The following TADA2B variants were observed in gnomAD, a reference collection of about 807,000 sequenced individuals.
TADA2B encodes transcriptional adaptor 2B, also known as transcriptional adapter 2-beta.
Under a neutral mutation model 34.5 loss-of-function variants are expected in TADA2B, and 13 were observed. That is an observed-to-expected ratio of 0.38 (90% CI 0.25 to 0.60). TADA2B has a LOEUF of 0.60. Ranked by LOEUF, TADA2B falls within the 20% of genes least tolerant of loss-of-function variation. TADA2B has a pLI of 0.65. For missense variants in TADA2B, 442 were observed against 575.0 expected, an observed-to-expected ratio of 0.77 and a Z score of 2.37; for synonymous variants, 240 against 243.4, an observed-to-expected ratio of 0.99 and a Z score of 0.13.
Position 7,054,902 on chromosome 4 carries a change from A to G in TADA2B, c.1111A>G (p.Thr371Ala). 1 of 1,613,950 alleles carries G rather than the reference A, an allele frequency of 6.2e-7. No individual in the cohort carries two copies. The highest frequency in any genetic ancestry group is 8.5e-7 in the Non-Finnish European group (1 of 1,179,898). The change falls in exon 2 of 2, where the codon ACT becomes GCT. Residue 371 changes from threonine (T) to alanine (A), a missense_variant. By Grantham distance (58) the Thr-to-Ala change is moderately conservative (BLOSUM62 0). Transcript: ENST00000310074. The part of the protein sequence containing the change: ...SLNLSPARYV[T>A]VKTIIIKDHL... ...AAACTTGAGTCCAGCCCGCTACGTG[A>G]CTGTGAAGACTATTATAATTAAAGA... is the stretch of plus-strand genomic sequence containing the variant.
intron 1 of TADA2B, among the ~76,000 whole-genome samples, chr4:7,051,698 C>T (rs925879239): frequency 2.2e-4 from 33 of 152,032 alleles, no homozygotes; most frequent in African/African-American, 6.5e-4. Flanking sequence ...CCCGGGTTCA[C>T]GCCATTCTCC....
At chr4:7,046,312 A>C (rs1723628638) in intron 1 of TADA2B, 1 of 152,210 alleles carries the variant, frequency 6.6e-6, no homozygotes, top group Non-Finnish European at 1.5e-5. Flanking sequence ...GCATGTATCC[A>C]GCTATGTGCA....
At position 7,043,472 on chromosome 4, in the gene TADA2B, G is replaced by A. The variant is rs1235689827; in HGVS notation, c.-108G>A. On this transcript the variant is annotated 5_prime_UTR_variant, in exon 1 of 2. Coordinates refer to ENST00000310074, the MANE Select transcript of TADA2B (RefSeq NM_152293.3). ...GGCGGCAGCCGCGGCGGCGGGCGGCGGTTGCTCGTGCGCGGCGGCGGCGGC... is the reference window on the plus strand; with the variant it reads ...GGCGGCAGCCGCGGCGGCGGGCGGCAGTTGCTCGTGCGCGGCGGCGGCGGC... 3.4e-6 allele frequency: 2 copies of A among 584,872 alleles called. No individual in the cohort carries two copies. Among genetic ancestry groups the A allele is most frequent in the Non-Finnish European group, 4.3e-6 (2 of 467,314 alleles). The allele number at this position is 584,872 out of a possible 1,614,324, so 36.2% of individuals were successfully genotyped here.
intron 1 of TADA2B, among the ~76,000 whole-genome samples, chr4:7,050,630 G>A (rs968848509): frequency 6.6e-6 from 1 of 152,166 alleles, no homozygotes; most frequent in East Asian, 1.9e-4. Flanking sequence ...GGCATCGCCC[G>A]GGACAGGAGA....
chr4:7,043,921 C>T (rs1723550617), intron 1 of TADA2B, 72 bp downstream of exon 1: 4 of 1,406,890 alleles, frequency 2.8e-6, no homozygotes, highest in African/African-American at 1.5e-5. Flanking sequence ...TAATCGGGCG[C>T]GCAGGCAGCG....
chr4:7,053,641 T>C (rs1401120589), intron 1 of TADA2B: 1 of 164,818 alleles, frequency 6.1e-6, no homozygotes, highest in Non-Finnish European at 1.3e-5. Flanking sequence ...CAGGCATTCC[T>C]TGGCCTGCCC....
At position 7,055,091 on chromosome 4, in the gene TADA2B, CAG is replaced by C; in HGVS notation, c.*38_*39del. ...TTTGAAAGCCAGGGTGATGCTCAGA[CAG>C]TGTGCCAGCCAAAATGACTTGGGGG... On this transcript the variant is annotated 3_prime_UTR_variant, in exon 2 of 2. Transcript: ENST00000310074. 1.3e-6 allele frequency: 2 copies of C among 1,550,900 alleles called. No homozygotes were observed. The highest frequency in any genetic ancestry group is 1.7e-6 in the Non-Finnish European group (2 of 1,150,270).
intron 1 of TADA2B, chr4:7,053,327 C>T (rs1723809046): frequency 6.6e-6 from 1 of 152,320 alleles, no homozygotes; most frequent in African/African-American, 2.4e-5. Context: ...TGCTTTCAGC[C>T]AGTGGCAGAC....
At chr4:7,053,590 C>T (rs1194490748) in intron 1 of TADA2B, 3 of 157,796 alleles carry the variant, frequency 1.9e-5, no homozygotes, top group East Asian at 3.8e-4. Context: ...TGGTCTCACA[C>T]CCTGGCACAA....
chr4:7,047,322 A>T (rs1001540020), intron 1 of TADA2B, among the ~76,000 whole-genome samples: 1 of 152,156 alleles, frequency 6.6e-6, no homozygotes, highest in Non-Finnish European at 1.5e-5. Context: ...TTGGCGGGGA[A>T]GTGGGGTTCA....
intron 1 of TADA2B, among the ~76,000 whole-genome samples, chr4:7,048,440 C>T (rs1723690594): frequency 6.6e-6 from 1 of 152,168 alleles, no homozygotes; most frequent in African/African-American, 2.4e-5. Flanking sequence ...GGCTTAGAAT[C>T]TGCATTTCTA....
intron 1 of TADA2B, among the ~76,000 whole-genome samples, chr4:7,050,512 T>A (rs2108784975): frequency 6.6e-6 from 1 of 152,312 alleles, no homozygotes; most frequent in African/African-American, 2.4e-5. Flanking sequence ...GAAGCCCAGC[T>A]TGTGGCCGGG....
At chr4:7,053,736 A>C in intron 1 of TADA2B, 4 of 266,402 alleles carry the variant, frequency 1.5e-5, no homozygotes, top group African/African-American at 2.2e-5. Context: ...CAGGTGGGGA[A>C]TGAGAACAAA....
chr4:7,043,697 G>A lies in TADA2B; in HGVS notation c.118G>A (p.Ala40Thr). Residue 40 changes from alanine (A) to threonine (T), a missense_variant, in exon 1 of 2, where the codon GCC becomes ACC. Physicochemically the swap from Ala to Thr is moderately conservative, Grantham distance 58 (BLOSUM62 0). Transcript: ENST00000310074. ...GTGCCCCGAGTGCTTCTCGGCCGGC[G>A]CCGAGATCGGCCACCACCGCCGCTA... Reference protein sequence around the residue: ...ELCPECFSAGAEIGHHRRYHG... With the variant: ...ELCPECFSAGTEIGHHRRYHG... The A allele has an allele frequency of 6.3e-7, 1 of 1,585,670 alleles. No homozygotes were observed. Among genetic ancestry groups the A allele is most frequent in the Admixed American group, 1.7e-5 (1 of 57,600 alleles).
At chr4:7,052,534 TG>T (rs1237741981) in intron 1 of TADA2B, among the ~76,000 whole-genome samples, 1 of 152,230 alleles carries the variant, frequency 6.6e-6, no homozygotes, top group Non-Finnish European at 1.5e-5. Context: ...GGGCCCACTC[TG>T]GCCCTGAAGG....
At chr4:7,051,384 C>T (rs1339665431) in intron 1 of TADA2B, among the ~76,000 whole-genome samples, 4 of 152,160 alleles carry the variant, frequency 2.6e-5, no homozygotes, top group Admixed American at 1.3e-4. Flanking sequence ...GCAGGGTGGG[C>T]GCTGCCAGGC....
Position 7,057,357 on chromosome 4 carries a change from A to G in TADA2B, c.*2303A>G, listed in dbSNP as rs1392180222. The G allele has an allele frequency of 4.6e-5, 7 of 152,252 alleles. No individual in the cohort carries two copies. The highest frequency in any genetic ancestry group is 8.8e-5 in the Non-Finnish European group (6 of 68,042). The allele number at this position is 152,252 out of a possible 1,614,324, so 9.4% of individuals were successfully genotyped here. A position where few individuals can be genotyped will look rare whatever the true frequency, so the allele number is the denominator to read the frequency against. On this transcript the variant is annotated 3_prime_UTR_variant, in exon 2 of 2. Coordinates refer to ENST00000310074, the MANE Select transcript of TADA2B (RefSeq NM_152293.3). Reference sequence around the variant, plus strand: ...AACCCTTTGTCACAAAGGAATGGTAATGTGATTGGCTGCCTGTTAGCCCAT... The same window carrying G: ...AACCCTTTGTCACAAAGGAATGGTAGTGTGATTGGCTGCCTGTTAGCCCAT...
chr4:7,057,529 C>T lies in TADA2B; in HGVS notation c.*2475C>T, dbSNP rs1723919701. The T allele has an allele frequency of 6.6e-6, 1 of 152,258 alleles. No homozygotes were observed. Among genetic ancestry groups the T allele is most frequent in the Non-Finnish European group, 1.5e-5 (1 of 68,068 alleles). 9.4% of individuals were successfully genotyped at this position (152,258 alleles called of 1,614,324 possible). ...CTAGTCCGGGCGCAGTGGCTCACGC[C>T]TGTAATCCCAGCACTTTGGGAGGCC... On this transcript the variant is annotated 3_prime_UTR_variant, in exon 2 of 2. Coordinates refer to ENST00000310074, the MANE Select transcript of TADA2B (RefSeq NM_152293.3).
Position 7,054,751 on chromosome 4 carries a change from G to A in TADA2B, c.960G>A (p.Glu320=), listed in dbSNP as rs199685832. 88 of 1,613,844 alleles carry A rather than the reference G, an allele frequency of 5.5e-5. No homozygotes were observed. Among genetic ancestry groups the A allele is most frequent in the Non-Finnish European group, 6.4e-5 (75 of 1,179,910 alleles). ...GGCATAAACGGGAGAAGAGGAAGGA[G>A]AACAAAAACCTAGCCGGCTCCAAAC... The part of the protein sequence containing the change: ...AARHKREKRK[E]NKNLAGSKRG... The change falls in exon 2 of 2, where the codon GAG becomes GAA. Residue 320 remains glutamate (E), a synonymous_variant. Transcript: ENST00000310074.
Sources: allele counts gnomAD v4.1 joint callset (sites outside exome capture counted in the v4.1 genomes callset), GRCh38; gene constraint gnomAD v4.1.1; transcripts MANE v1.5; gene names NCBI Gene and HGNC (gene_info 2026-07-23, HGNC 2026-07-21).